Variants in ADCYAP1R1 observed in about 807,000 individuals in gnomAD.
ADCYAP1R1 encodes ADCYAP receptor type I.
ADCYAP1R1 carries 44 observed loss-of-function variants against 67.6 expected under a neutral mutation model. The ratio of observed to expected loss-of-function variants is 0.65; its 90% CI spans 0.51 to 0.84. The LOEUF (loss-of-function observed/expected upper bound fraction) is 0.84, where lower values mean the gene tolerates loss of function less well. Among genes scored for constraint, ADCYAP1R1 ranks in the 40% least tolerant of loss-of-function variants. The pLI, the probability that ADCYAP1R1 is intolerant of heterozygous loss-of-function variation, is 0.00. For missense variants in ADCYAP1R1, 477 were observed against 587.9 expected (o/e 0.81, Z 1.95); for synonymous variants, 222 against 219.6 (o/e 1.01, Z -0.10).
chr7:31,054,919 G>C (rs1794176492), intron 1 of ADCYAP1R1, among the ~76,000 whole-genome samples: 1 of 152,220 alleles, frequency 6.6e-6, no homozygotes, highest in Admixed American at 6.5e-5. Flanking sequence ...AGGCCTAGAG[G>C]CCTCAGAGAC....
At position 31,107,020 on chromosome 7, in the gene ADCYAP1R1, C is replaced by A. The variant is rs1796677006; in HGVS notation, c.*336C>A. ...TCCACCCCACTGTTTCTTGGTCAGCCTCAGTGATGGCCTGACCCCAGCTGT... is the reference window on the plus strand; with the variant it reads ...TCCACCCCACTGTTTCTTGGTCAGCATCAGTGATGGCCTGACCCCAGCTGT... On this transcript the variant is annotated 3_prime_UTR_variant, in exon 16 of 16. Transcript: ENST00000304166. 3.6e-6 allele frequency: 1 copy of A among 277,016 alleles called. No homozygotes were observed. The allele number at this position is 277,016 out of a possible 1,614,324, so 17.2% of individuals were successfully genotyped here.
intron 13 of ADCYAP1R1, chr7:31,100,095 G>T (rs1258565341): frequency 2.6e-6 from 4 of 1,546,732 alleles, no homozygotes; most frequent in Non-Finnish European, 3.5e-6. Context: ...GTGCCCCCCA[G>T]CTGACAGAAG....
intron 1 of ADCYAP1R1, among the ~76,000 whole-genome samples, chr7:31,058,211 C>T (rs1794338328): frequency 1.3e-5 from 2 of 152,202 alleles, no homozygotes; most frequent in African/African-American, 2.4e-5. Flanking sequence ...AGGGCTCTGC[C>T]AGGCTTTGGA....
At chr7:31,078,434 C>G (rs556662416) in intron 4 of ADCYAP1R1, among the ~76,000 whole-genome samples, 2 of 152,196 alleles carry the variant, frequency 1.3e-5, no homozygotes, top group African/African-American at 4.8e-5. Context: ...TAATGTGAAG[C>G]GATGCTGTGG....
chr7:31,077,536 G>A (rs1795307777), intron 3 of ADCYAP1R1, among the ~76,000 whole-genome samples: 1 of 148,210 alleles, frequency 6.7e-6, no homozygotes. Context: ...TCTGTTTGTG[G>A]TGTGTGTAAT....
intron 4 of ADCYAP1R1, among the ~76,000 whole-genome samples, 185 bp downstream of exon 4, chr7:31,078,283 A>C (rs1795363019): frequency 6.6e-6 from 1 of 151,994 alleles, no homozygotes; most frequent in South Asian, 2.1e-4. Context: ...TACACATGGG[A>C]ACCATCGTTG....
chr7:31,103,249 G>T lies in ADCYAP1R1; in HGVS notation c.1059G>T (p.Arg353=). The change falls in exon 14 of 16, where the codon CGG becomes CGT. Residue 353 remains arginine (R), a synonymous_variant. Transcript: ENST00000304166. ...TTTCCTCCGACAGGCGACTGGCCCG[G>T]TCCACCCTGCTGCTCATCCCACTAT... The part of the protein sequence containing the change: ...NESSIYLRLA[R]STLLLIPLFG... 1 of 1,614,030 alleles carries T rather than the reference G, an allele frequency of 6.2e-7. No individual in the cohort carries two copies.
At chr7:31,080,205 G>A (rs1795457393) in intron 4 of ADCYAP1R1, among the ~76,000 whole-genome samples, 1 of 152,168 alleles carries the variant, frequency 6.6e-6, no homozygotes, top group Admixed American at 6.5e-5. Flanking sequence ...GATTCTTAAT[G>A]GTTCATTAAG....
chr7:31,054,122 C>T (rs1794142159), intron 1 of ADCYAP1R1, among the ~76,000 whole-genome samples: 1 of 152,164 alleles, frequency 6.6e-6, no homozygotes, highest in African/African-American at 2.4e-5. Context: ...GAAATCTGAA[C>T]ATACAGATTG....
At chr7:31,092,411 A>G (rs1795995488) in intron 12 of ADCYAP1R1, among the ~76,000 whole-genome samples, 1 of 151,902 alleles carries the variant, frequency 6.6e-6, no homozygotes, top group Admixed American at 6.6e-5. Flanking sequence ...TGACTTACTC[A>G]TGATGTCCTT....
At chr7:31,100,332 C>A in intron 13 of ADCYAP1R1, 1 of 711,604 alleles carries the variant, frequency 1.4e-6, no homozygotes, top group South Asian at 1.6e-5. Context: ...CAACCCATTC[C>A]CGGCTGTTGC....
At chr7:31,053,066 C>G (rs1794087833) in intron 1 of ADCYAP1R1, among the ~76,000 whole-genome samples, 1 of 151,670 alleles carries the variant, frequency 6.6e-6, no homozygotes, top group Admixed American at 6.5e-5. Context: ...AGGGACATGC[C>G]TCCCTACCCT....
At position 31,108,351 on chromosome 7, in the gene ADCYAP1R1, T is replaced by C. The variant is rs6954589; in HGVS notation, c.*1667T>C. The stretch of plus-strand genomic sequence containing the variant: ...AAGAAAGGAGCTACCTGCCCTTTCC[T>C]GGGCATGCTTGGTGACTCAGATTGA... On this transcript the variant is annotated 3_prime_UTR_variant, in exon 16 of 16. Coordinates refer to ENST00000304166, the MANE Select transcript of ADCYAP1R1 (RefSeq NM_001118.5). 0.34 allele frequency: 51,389 copies of C among 152,208 alleles called. 9,420 individuals are homozygous for C. The highest frequency in any genetic ancestry group is 0.75 in the East Asian group (3,844 of 5,152). The allele number at this position is 152,208 out of a possible 1,614,324, so 9.4% of individuals were successfully genotyped here.
chr7:31,057,436 A>G (rs1794298318), intron 1 of ADCYAP1R1, among the ~76,000 whole-genome samples: 1 of 152,210 alleles, frequency 6.6e-6, no homozygotes, highest in South Asian at 2.1e-4. Flanking sequence ...ATGGGATGAT[A>G]CTGCCAACGG....
chr7:31,064,787 G>A (rs1794662912), intron 2 of ADCYAP1R1, 44 bp from the exon 3 acceptor site: 6 of 1,502,410 alleles, frequency 4.0e-6, no homozygotes, highest in Non-Finnish European at 4.6e-6. Flanking sequence ...CTTACAGATG[G>A]GCCTCCTACC....
chr7:31,072,051 T>A (rs1343711778), intron 3 of ADCYAP1R1, among the ~76,000 whole-genome samples: 1 of 125,198 alleles, frequency 8.0e-6, no homozygotes, highest in Non-Finnish European at 1.6e-5. Flanking sequence ...ATCCAGACGC[T>A]GAAGCCAGAA....
At position 31,086,054 on chromosome 7, in the gene ADCYAP1R1, C is replaced by T. The variant is rs1475927303; in HGVS notation, c.670-330C>T. 6.6e-6 allele frequency among the ~76,000 whole-genome samples: 1 copy of T among 152,216 alleles called. No individual in the cohort carries two copies. On this transcript the variant is annotated intron_variant, in intron 9 of 15. Transcript: ENST00000304166. The surrounding 1 kb of genome is among the most constrained non-coding windows in gnomAD (Gnocchi z 5.0). ...CCTCATTATACCAAGGAGCCTCCTG[C>T]AGGGTCCTCTGGCTGCTTCTCTCCC...
intron 13 of ADCYAP1R1, among the ~76,000 whole-genome samples, chr7:31,098,737 T>C (rs1413001841): frequency 6.8e-6 from 1 of 147,562 alleles, no homozygotes; most frequent in Non-Finnish European, 1.5e-5. Flanking sequence ...TTGCCCCATC[T>C]TGGAAATGTG....
rs747106527 is a variant in ADCYAP1R1, at chr7:31,064,860, C to G, written c.81C>G (p.Phe27Leu). The G allele has an allele frequency of 2.5e-6, 4 of 1,612,896 alleles. No individual in the cohort carries two copies. The highest frequency in any genetic ancestry group is 3.4e-6 in the Non-Finnish European group (4 of 1,179,510). Residue 27 changes from phenylalanine (F) to leucine (L), a missense_variant, in exon 3 of 16, where the codon TTC becomes TTG. Coordinates refer to ENST00000304166, the MANE Select transcript of ADCYAP1R1 (RefSeq NM_001118.5). ...CTGCCATGCATTCTGACTGCATCTT[C>G]AAGAAGGAGCAAGCCATGTGCCTGG... ...MAPAMHSDCI[F>L]KKEQAMCLEK...
Sources: gnomAD v4.1 joint callset for allele counts (sites outside exome capture counted in the v4.1 genomes callset) on GRCh38, gnomAD v4.1.1 for gene constraint, Gnocchi (gnomAD v3.1) non-coding constraint, MANE v1.5 for transcripts, NCBI Gene and HGNC (gene_info 2026-07-23, HGNC 2026-07-21) for gene names.